The following CCDC178 variants were observed in gnomAD, a reference collection of about 807,000 sequenced individuals.
The protein encoded by CCDC178 is coiled-coil domain-containing protein 178.
A neutral mutation model predicts 117.4 loss-of-function variants in CCDC178; 126 were observed. The ratio of observed to expected loss-of-function variants is 1.07; its 90% confidence interval spans 0.93 to 1.24. The LOEUF (loss-of-function observed/expected upper bound fraction) is 1.24. CCDC178 is among the 50% of genes most tolerant of loss of function. The probability of loss-of-function intolerance (pLI) is 0.00; values close to 1 mark genes in which losing one functional copy is unlikely to be tolerated. For missense variants in CCDC178, 1,030 were observed against 986.9 expected (o/e 1.04, Z -0.59); for synonymous variants, 283 against 313.4 (o/e 0.90, Z 1.02).
At chr18:33,335,277 A>AT (rs2062724331) in intron 9 of CCDC178, among the ~76,000 whole-genome samples, 1 of 151,794 alleles carries the variant, frequency 6.6e-6, no homozygotes, top group Non-Finnish European at 1.5e-5. Context: ...AATGACTTGG[A>AT]TTTTTCCCAT....
At chr18:33,093,194 T>A (rs748398233) in intron 20 of CCDC178, among the ~76,000 whole-genome samples, 7 of 152,078 alleles carry the variant, frequency 4.6e-5, no homozygotes, top group Non-Finnish European at 1.0e-4. Context: ...GCCTTTTTCC[T>A]GAACTTCCCT....
chr18:33,136,892 T>C (rs973800678), intron 20 of CCDC178, among the ~76,000 whole-genome samples: 4 of 152,314 alleles, frequency 2.6e-5, no homozygotes, highest in Admixed American at 2.6e-4. Context: ...TATTCATTAA[T>C]ACATAATTGT....
chr18:33,028,317 G>A (rs1476157835), intron 21 of CCDC178, among the ~76,000 whole-genome samples: 1 of 151,732 alleles, frequency 6.6e-6, no homozygotes, highest in African/African-American at 2.4e-5. Flanking sequence ...TACAGATCCA[G>A]TTTTAAAAGT....
intron 20 of CCDC178, among the ~76,000 whole-genome samples, chr18:33,112,017 A>G (rs1193935775): frequency 2.0e-5 from 3 of 151,788 alleles, no homozygotes; most frequent in Admixed American, 6.6e-5. Context: ...AAACTAACAA[A>G]TGAGAAAGTT....
intron 12 of CCDC178, among the ~76,000 whole-genome samples, chr18:33,285,012 A>G (rs947848540): frequency 7.9e-5 from 12 of 152,146 alleles, no homozygotes; most frequent in Admixed American, 5.9e-4. Flanking sequence ...TAAAGAAAAA[A>G]GAAAGAAATT....
rs1405507586 is a variant in CCDC178, at chr18:33,023,380, T to C, written c.2389-48699A>G. ...ATAAAAGAATTGAAATCATACAGAA[T>C]GTTTTCTTCAACCACAGCTAGAGTT... On this transcript the variant is annotated intron_variant, in intron 21 of 22. Coordinates refer to ENST00000383096, the MANE Select transcript of CCDC178 (RefSeq NM_001105528.4). Among the ~76,000 whole-genome samples, 7 of 152,284 alleles carry C rather than the reference T, an allele frequency of 4.6e-5. No homozygotes were observed. In the South Asian group the frequency reaches 1.0e-3, roughly 23 times the overall value.
intron 21 of CCDC178, among the ~76,000 whole-genome samples, chr18:33,023,788 T>C (rs1874369555): frequency 6.6e-6 from 1 of 152,042 alleles, no homozygotes; most frequent in South Asian, 2.1e-4. Flanking sequence ...TCTAAATATA[T>C]CTCTATCTTC....
At chr18:33,211,197 T>C (rs2144588014) in intron 20 of CCDC178, among the ~76,000 whole-genome samples, 1 of 151,946 alleles carries the variant, frequency 6.6e-6, no homozygotes, top group Non-Finnish European at 1.5e-5. Flanking sequence ...ACGGAAAATA[T>C]TTTTGCTTCT....
intron 14 of CCDC178, among the ~76,000 whole-genome samples, chr18:33,256,725 C>T (rs1390029802): frequency 6.6e-6 from 1 of 151,976 alleles, no homozygotes; most frequent in African/African-American, 2.4e-5. Flanking sequence ...CAGATTTTCT[C>T]TCTTTTTCTC....
chr18:33,005,871 T>C (rs1456098269), intron 21 of CCDC178, among the ~76,000 whole-genome samples: 1 of 152,074 alleles, frequency 6.6e-6, no homozygotes, highest in East Asian at 1.9e-4. Context: ...CTGAAATAAG[T>C]AGAACTGAAG....
intron 20 of CCDC178, among the ~76,000 whole-genome samples, chr18:33,116,873 C>T (rs2057864216): frequency 6.6e-6 from 1 of 152,154 alleles, no homozygotes; most frequent in African/African-American, 2.4e-5. Flanking sequence ...CACCTGAAAG[C>T]AGACAGCTAT....
intron 5 of CCDC178, 36 bp from the exon 6 acceptor site, chr18:33,370,225 A>G: frequency 6.8e-7 from 1 of 1,472,766 alleles, no homozygotes; most frequent in Non-Finnish European, 9.1e-7. Flanking sequence ...TACTCATTCT[A>G]TACAAAGTAG....
intron 22 of CCDC178, chr18:32,957,651 T>C (rs1271666207): frequency 6.6e-6 from 1 of 152,196 alleles, no homozygotes; most frequent in Non-Finnish European, 1.5e-5. Flanking sequence ...TGTCAAATTA[T>C]AGATTTTGTA....
chr18:33,238,952 A>G lies in CCDC178; in HGVS notation c.1593+6293T>C, dbSNP rs2083029312. On this transcript the variant is annotated intron_variant, in intron 15 of 22. Transcript: ENST00000383096. Reference sequence around the variant, plus strand: ...TTTGCCAGGAGAAATCTTTCAAATCAGGAGATAATGGGATGGTATATTTAA... The same window carrying G: ...TTTGCCAGGAGAAATCTTTCAAATCGGGAGATAATGGGATGGTATATTTAA... 2.0e-5 allele frequency among the ~76,000 whole-genome samples: 3 copies of G among 152,294 alleles called. No individual in the cohort carries two copies. The South Asian group carries it at 6.2e-4, about 32-fold the overall frequency.
chr18:33,255,144 T>A (rs1050997568), intron 14 of CCDC178, among the ~76,000 whole-genome samples: 7 of 152,082 alleles, frequency 4.6e-5, no homozygotes, highest in African/African-American at 1.7e-4. Context: ...CCCTTTGACC[T>A]TCTCCAGCAT....
At chr18:33,251,549 G>C (rs768122489) in intron 14 of CCDC178, among the ~76,000 whole-genome samples, 1 of 151,724 alleles carries the variant, frequency 6.6e-6, no homozygotes, top group African/African-American at 2.4e-5. Flanking sequence ...CCTCTAATTG[G>C]CCCCAGTCCC....
At chr18:33,424,017 A>T (rs938778240) in intron 2 of CCDC178, among the ~76,000 whole-genome samples, 1 of 152,144 alleles carries the variant, frequency 6.6e-6, no homozygotes, top group African/African-American at 2.4e-5. Context: ...CTACTTTCCT[A>T]TTCTTTCATA....
intron 3 of CCDC178, among the ~76,000 whole-genome samples, chr18:33,408,994 T>C (rs1035085877): frequency 1.3e-5 from 2 of 152,242 alleles, no homozygotes; most frequent in African/African-American, 4.8e-5. Flanking sequence ...GTTTAAGATA[T>C]ATGGCTGTAA....
Position 33,266,522 on chromosome 18 carries a change from C to T in CCDC178, c.1409+394G>A, listed in dbSNP as rs1162481794. On this transcript the variant is annotated intron_variant, in intron 14 of 22. Coordinates refer to ENST00000383096, the MANE Select transcript of CCDC178 (RefSeq NM_001105528.4). ...TGTGTAAAGCTGCTTATAACTTTTA[C>T]AATTATTTTGACTTTTCTTTTTTTT... is the stretch of plus-strand genomic sequence containing the variant. Among the ~76,000 whole-genome samples, 3 of 149,218 alleles carry T rather than the reference C, an allele frequency of 2.0e-5. 1 individual carries two copies. The highest frequency in any genetic ancestry group is 4.0e-4 in the East Asian group (2 of 4,994).
Sources: gnomAD v4.1 joint callset for allele counts (sites outside exome capture counted in the v4.1 genomes callset) on GRCh38, gnomAD v4.1.1 for gene constraint, MANE v1.5 for transcripts, NCBI Gene and HGNC (gene_info 2026-07-23, HGNC 2026-07-21) for gene names.